ADGRV1: variants seen among roughly 807,000 people sequenced by gnomAD.
The protein encoded by ADGRV1 is G-protein coupled receptor 98.
ADGRV1 carries 359 observed loss-of-function variants against 596.2 expected under a neutral mutation model. The ratio of observed to expected loss-of-function variants is 0.60; its 90% confidence interval spans 0.55 to 0.66. The LOEUF is 0.66. Ranked by LOEUF, ADGRV1 falls within the 30% of genes least tolerant of loss-of-function variation. The pLI is 0.00. For missense variants in ADGRV1, 7,274 were observed against 7,575.6 expected (o/e 0.96, Z 1.48); for synonymous variants, 2,681 against 2,679.2 (o/e 1.00, Z -0.02).
At chr5:91,031,435 A>C in intron 85 of ADGRV1, 1 of 772,254 alleles carries the variant, frequency 1.3e-6, no homozygotes, top group Admixed American at 2.1e-5. Context: ...CCAGCATTAA[A>C]GAGTCACTCA....
intron 76 of ADGRV1, among the ~76,000 whole-genome samples, 198 bp downstream of exon 76, chr5:90,823,794 C>T (rs1247404574): frequency 1.3e-5 from 2 of 152,098 alleles, no homozygotes; most frequent in Non-Finnish European, 2.9e-5. Flanking sequence ...TGTAAATAAA[C>T]TTGTCATTTT....
At chr5:90,984,393 C>T (rs193127168) in intron 84 of ADGRV1, among the ~76,000 whole-genome samples, 2 of 152,182 alleles carry the variant, frequency 1.3e-5, no homozygotes, top group East Asian at 3.9e-4. Context: ...GGAAAGAAGA[C>T]ACTAGAAGAC....
At chr5:90,892,406 G>A (rs977531788) in intron 83 of ADGRV1, among the ~76,000 whole-genome samples, 1 of 151,976 alleles carries the variant, frequency 6.6e-6, no homozygotes, top group Non-Finnish European at 1.5e-5. Flanking sequence ...AAAGAACAAA[G>A]TCTTATGTCA....
At chr5:90,566,506 A>G (rs1047649927) in intron 1 of ADGRV1, among the ~76,000 whole-genome samples, 2 of 152,036 alleles carry the variant, frequency 1.3e-5, no homozygotes, top group Non-Finnish European at 2.9e-5. Flanking sequence ...TTGTTGATCT[A>G]GTTTTCTGCC....
chr5:90,733,070 T>C (rs984947513), intron 50 of ADGRV1, among the ~76,000 whole-genome samples: 2 of 152,060 alleles, frequency 1.3e-5, no homozygotes, highest in Non-Finnish European at 2.9e-5. Flanking sequence ...TGGGCAAGAG[T>C]TGAAGAGGGC....
intron 83 of ADGRV1, among the ~76,000 whole-genome samples, chr5:90,928,507 A>T (rs1774777440): frequency 1.3e-5 from 2 of 149,298 alleles, no homozygotes; most frequent in South Asian, 4.3e-4. Flanking sequence ...AGTTCCCTGT[A>T]TTGCTTATTC....
At position 90,651,688 on chromosome 5, in the gene ADGRV1, C is replaced by T; in HGVS notation, c.3374C>T (p.Pro1125Leu). ...DDPNGIFSLEPIDKAVEEGKT... is the reference protein window; with the variant it reads ...DDPNGIFSLELIDKAVEEGKT... ...CCAAATGGCATTTTTTCTCTGGAGC[C>T]CATAGACAAAGCAGTGGAAGAAGGA... The change falls in exon 18 of 90, where the codon CCC becomes CTC. Residue 1125 changes from proline (P) to leucine (L), a missense_variant. By Grantham distance (98) the Pro-to-Leu change is moderately conservative. This residue lies in a region of ADGRV1 where 1,715 missense variants were observed against 1,708.8 expected (regional missense o/e 1.00). Transcript: ENST00000405460. 1 of 1,612,230 alleles carries T rather than the reference C, an allele frequency of 6.2e-7. No homozygotes were observed. Among genetic ancestry groups the T allele is most frequent in the South Asian group, 1.1e-5 (1 of 90,934 alleles).
chr5:90,839,961 A>C (rs1765288720), intron 77 of ADGRV1, among the ~76,000 whole-genome samples: 1 of 152,172 alleles, frequency 6.6e-6, no homozygotes, highest in Non-Finnish European at 1.5e-5. Context: ...GTAGTAAATA[A>C]ATGCACATTC....
chr5:90,646,037 A>G lies in ADGRV1; in HGVS notation c.2968A>G (p.Arg990Gly). The change falls in exon 16 of 90, where the codon AGA becomes GGA. Residue 990 changes from arginine (R) to glycine (G), a missense_variant. By Grantham distance (125) the Arg-to-Gly change is moderately radical (BLOSUM62 -2). Around this residue, in one of 5 missense-constraint regions of ADGRV1, gnomAD observed 1,715 missense variants for 1,708.8 expected, o/e 1.00. Coordinates refer to ENST00000405460, the MANE Select transcript of ADGRV1 (RefSeq NM_032119.4). ...NGTGGAKVGN[R>G]TTATLRIRRN... The stretch of plus-strand genomic sequence containing the variant: ...CACTGGAGGAGCTAAAGTGGGAAAT[A>G]GAACAACTGCAACTCTGAGGATTAG... 1 of 1,605,992 alleles carries G rather than the reference A, an allele frequency of 6.2e-7. No homozygotes were observed. Among genetic ancestry groups the G allele is most frequent in the South Asian group, 1.1e-5 (1 of 89,550 alleles).
At chr5:90,624,625 C>T (rs999326245) in intron 5 of ADGRV1, among the ~76,000 whole-genome samples, 1 of 152,090 alleles carries the variant, frequency 6.6e-6, no homozygotes, top group African/African-American at 2.4e-5. Flanking sequence ...ATTTATTTAT[C>T]ATTTATTCCC....
At chr5:91,133,439 C>T (rs985166847) in intron 87 of ADGRV1, among the ~76,000 whole-genome samples, 1 of 152,210 alleles carries the variant, frequency 6.6e-6, no homozygotes, top group Non-Finnish European at 1.5e-5. Context: ...CTGGACTTTG[C>T]CACTGTCCTA....
chr5:90,980,708 C>T (rs1780008335), intron 84 of ADGRV1, among the ~76,000 whole-genome samples: 1 of 152,184 alleles, frequency 6.6e-6, no homozygotes, highest in African/African-American at 2.4e-5. Context: ...GAGCGACACC[C>T]TTTGACTTGC....
At chr5:90,741,209 A>T (rs1435183160) in intron 50 of ADGRV1, among the ~76,000 whole-genome samples, 1 of 152,096 alleles carries the variant, frequency 6.6e-6, no homozygotes, top group Non-Finnish European at 1.5e-5. Context: ...TTCTACCTGG[A>T]CTATTACATC....
At position 90,685,799 on chromosome 5, in the gene ADGRV1, T is replaced by G; in HGVS notation, c.6294T>G (p.Leu2098=). Residue 2098 remains leucine (L), a synonymous_variant, in exon 29 of 90, where the codon CTT becomes CTG. Coordinates refer to ENST00000405460, the MANE Select transcript of ADGRV1 (RefSeq NM_032119.4). ...TTTCAGTTCCAAATTCTCCACGTCT[T>G]GGGCCTAAGGTAGAAACTATTGCGC... The part of the protein sequence containing the change: ...QSRSIPNSPR[L]GPKVETIAQL... The G allele has an allele frequency of 1.2e-6, 2 of 1,608,962 alleles. No individual in the cohort carries two copies. Among genetic ancestry groups the G allele is most frequent in the Non-Finnish European group, 8.5e-7 (1 of 1,178,084 alleles).
At chr5:90,583,971 A>C (rs1423636233) in intron 1 of ADGRV1, among the ~76,000 whole-genome samples, 1 of 152,208 alleles carries the variant, frequency 6.6e-6, no homozygotes, top group Non-Finnish European at 1.5e-5. Context: ...GTATATTTAG[A>C]ATTTTGTTAA....
rs183892374 is a variant in ADGRV1 at position 91,063,099 on chromosome 5, A to C, written c.18153-9348A>C. Among the ~76,000 whole-genome samples the C allele has an allele frequency of 4.6e-3, 697 of 150,884 alleles. 3 individuals are homozygous for C. The highest frequency in any genetic ancestry group is 7.9e-3 in the Non-Finnish European group (532 of 67,732). ...TCACCCTCCGAGAAACTGGGAACAC[A>C]GGCATGGTGCCACCACACCTGGCTA... On this transcript the variant is annotated intron_variant, in intron 85 of 89. Coordinates refer to ENST00000405460, the MANE Select transcript of ADGRV1 (RefSeq NM_032119.4).
chr5:90,754,953 C>T (rs780445975), intron 54 of ADGRV1, 30 bp from the exon 55 acceptor site: 18 of 1,499,260 alleles, frequency 1.2e-5, no homozygotes, highest in Non-Finnish European at 1.6e-5. Flanking sequence ...ATAGAAAAGA[C>T]TATTTACTCG....
At chr5:90,787,716 G>A (rs543373088) in intron 67 of ADGRV1, among the ~76,000 whole-genome samples, 3 of 150,080 alleles carry the variant, frequency 2.0e-5, no homozygotes, top group Non-Finnish European at 4.4e-5. Context: ...TTTCAGCTCC[G>A]AGTAGCTGGA....
intron 28 of ADGRV1, 22 bp from the exon 29 acceptor site, chr5:90,685,758 G>A (rs1355375546): frequency 2.5e-6 from 4 of 1,575,186 alleles, no homozygotes; most frequent in Non-Finnish European, 2.6e-6. Context: ...TCTGTGTTCT[G>A]TGTGGATCTT....
Sources: gnomAD v4.1 joint callset for allele counts (sites outside exome capture counted in the v4.1 genomes callset) on GRCh38, gnomAD v4.1.1 for gene constraint, gnomAD v4.1.1 regional missense constraint, MANE v1.5 for transcripts, NCBI Gene and HGNC (gene_info 2026-07-23, HGNC 2026-07-21) for gene names.